LNX2: variants seen among roughly 807,000 people sequenced by gnomAD.
The protein encoded by LNX2 is ligand of numb-protein X 2.
A neutral mutation model predicts 66.2 loss-of-function variants in LNX2; 35 were observed. That is an observed-to-expected ratio of 0.53 (90% CI 0.40 to 0.70). The LOEUF (loss-of-function observed/expected upper bound fraction) is 0.70, where lower values mean the gene tolerates loss of function less well. LNX2 is among the 30% of genes least tolerant of loss of function. LNX2 has a pLI of 0.00. For synonymous variants in LNX2, 337 were observed against 315.6 expected, an observed-to-expected ratio of 1.07 and a Z score of -0.72; for missense variants, 791 against 850.8, an observed-to-expected ratio of 0.93 and a Z score of 0.87.
At chr13:27,549,485 T>C (rs1035473625) in intron 9 of LNX2, among the ~76,000 whole-genome samples, 1 of 152,192 alleles carries the variant, frequency 6.6e-6, no homozygotes, top group Non-Finnish European at 1.5e-5. Flanking sequence ...TGGTAGAGGC[T>C]GGCAGAGGGG....
At chr13:27,549,086 C>CA (rs1361913783) in intron 9 of LNX2, among the ~76,000 whole-genome samples, 2 of 152,164 alleles carry the variant, frequency 1.3e-5, no homozygotes, top group African/African-American at 4.8e-5. Context: ...TTATAATTAA[C>CA]AGAGGCCCAG....
intron 1 of LNX2, among the ~76,000 whole-genome samples, chr13:27,597,055 G>C (rs1011348086): frequency 2.6e-5 from 4 of 152,118 alleles, no homozygotes; most frequent in Non-Finnish European, 5.9e-5. Flanking sequence ...TTTATCATTA[G>C]ATTACTACTA....
intron 1 of LNX2, among the ~76,000 whole-genome samples, chr13:27,582,754 TA>T (rs901383148): frequency 1.5e-4 from 23 of 151,958 alleles, no homozygotes; most frequent in Admixed American, 6.6e-5. Context: ...GATGGGGGGC[TA>T]GGGGAGGGAT....
In LNX2 at chr13:27,556,327, C is replaced by T. The variant is rs755464649; in HGVS notation, c.1455G>A (p.Gly485=). 15 of 1,613,978 alleles carry T rather than the reference C, an allele frequency of 9.3e-6. No homozygotes were observed. The highest frequency in any genetic ancestry group is 1.2e-5 in the Non-Finnish European group (14 of 1,179,964). Reference sequence around the variant, plus strand: ...GCTCACCACTCTTACTTCCCCTGCCCCCAGCAACGGTCATGCCAAGGGATT... The same window carrying T: ...GCTCACCACTCTTACTTCCCCTGCCTCCAGCAACGGTCATGCCAAGGGATT... ...PHESLGMTVA[G]GRGSKSGELP... is the part of the protein sequence containing the mutation. The change falls in exon 7 of 10, where the codon GGG becomes GGA. Residue 485 remains glycine (G), a synonymous_variant. Coordinates refer to ENST00000316334, the MANE Select transcript of LNX2 (RefSeq NM_153371.4).
At chr13:27,572,765 TA>T (rs1398978374) in intron 2 of LNX2, among the ~76,000 whole-genome samples, 1 of 152,198 alleles carries the variant, frequency 6.6e-6, no homozygotes, top group Non-Finnish European at 1.5e-5. Context: ...TTATTGTCAG[TA>T]ATATTAGTAT....
At chr13:27,565,838 A>T (rs1305672653) in intron 4 of LNX2, among the ~76,000 whole-genome samples, 1 of 152,190 alleles carries the variant, frequency 6.6e-6, no homozygotes, top group African/African-American at 2.4e-5. Context: ...CGGGAGTGGA[A>T]ATCAAACCCA....
intron 1 of LNX2, among the ~76,000 whole-genome samples, chr13:27,608,935 G>A (rs1955746423): frequency 2.0e-5 from 3 of 151,752 alleles, no homozygotes; most frequent in Admixed American, 1.3e-4. Flanking sequence ...CTCCAGAGTA[G>A]CTGGGACTAT....
chr13:27,553,518 C>T, intron 7 of LNX2, 79 bp from the exon 8 acceptor site: 1 of 1,068,316 alleles, frequency 9.4e-7, no homozygotes, highest in Non-Finnish European at 1.4e-6. Flanking sequence ...ATAAACTAAG[C>T]AACAAAAGTT....
chr13:27,569,097 G>A lies in LNX2; in HGVS notation c.587C>T (p.Ser196Phe), dbSNP rs61753155. Residue 196 changes from serine to phenylalanine, a missense_variant, in exon 3 of 10, where the codon TCT becomes TTT. Physicochemically the swap from Ser to Phe is radical, Grantham distance 155. Transcript: ENST00000316334. ...AGGCTCCTCACTCCATGTGGAAAGA[G>A]ACGCTGATGTCAAGTGCCGCTCCAC... is the stretch of plus-strand genomic sequence containing the variant. ...VPVERHLTSA[S>F]LSTWSEEPGL... 2.6e-4 allele frequency: 414 copies of A among 1,613,510 alleles called. 1 individual carries two copies. In the Middle Eastern group the frequency reaches 3.3e-3, roughly 13 times the overall value.
chr13:27,553,138 A>G, intron 8 of LNX2, 70 bp downstream of exon 8: 1 of 1,265,842 alleles, frequency 7.9e-7, no homozygotes, highest in South Asian at 1.3e-5. Flanking sequence ...TAAATTTATC[A>G]TGCTACACAC....
chr13:27,584,630 G>A (rs953543146), intron 1 of LNX2, among the ~76,000 whole-genome samples: 2 of 152,044 alleles, frequency 1.3e-5, no homozygotes, highest in African/African-American at 4.8e-5. Flanking sequence ...AGGCTGTAGT[G>A]AGGCAAGCTT....
At chr13:27,613,677 A>T (rs1955797169) in intron 1 of LNX2, among the ~76,000 whole-genome samples, 1 of 152,176 alleles carries the variant, frequency 6.6e-6, no homozygotes. Context: ...CTGAGGCAGG[A>T]GAATCACTTG....
At chr13:27,601,971 A>G (rs577980156) in intron 1 of LNX2, among the ~76,000 whole-genome samples, 46 of 152,340 alleles carry the variant, frequency 3.0e-4, no homozygotes, top group African/African-American at 1.0e-3. Flanking sequence ...GCTTTGTCAC[A>G]TATCTCCTCA....
At chr13:27,578,396 G>A (rs1593250071) in intron 2 of LNX2, among the ~76,000 whole-genome samples, 1 of 152,130 alleles carries the variant, frequency 6.6e-6, no homozygotes, top group Non-Finnish European at 1.5e-5. Flanking sequence ...TGTATACCGA[G>A]AAGCCGCAAA....
At chr13:27,564,058 A>G (rs762032887) in intron 4 of LNX2, among the ~76,000 whole-genome samples, 4 of 152,182 alleles carry the variant, frequency 2.6e-5, no homozygotes, top group African/African-American at 4.8e-5. Context: ...ACCATTTCCA[A>G]CTATTTAGCT....
intron 1 of LNX2, among the ~76,000 whole-genome samples, chr13:27,618,274 G>C (rs764908811): frequency 1.3e-5 from 2 of 152,126 alleles, no homozygotes; most frequent in Non-Finnish European, 2.9e-5. Flanking sequence ...CATTTACTAA[G>C]TCCTTACTAT....
At chr13:27,602,724 A>C (rs1955672456) in intron 1 of LNX2, among the ~76,000 whole-genome samples, 1 of 152,140 alleles carries the variant, frequency 6.6e-6, no homozygotes, top group South Asian at 2.1e-4. Flanking sequence ...GGGAAGGTAG[A>C]TGCTTAGTTT....
intron 1 of LNX2, among the ~76,000 whole-genome samples, chr13:27,603,956 T>TAA (rs35389487): frequency 1.5e-4 from 20 of 133,520 alleles, no homozygotes; most frequent in South Asian, 4.9e-4. Context: ...TTCCTTCCCT[T>TAA]AAAAAAAAAA....
At chr13:27,557,411 GTA>G (rs1406199383) in intron 6 of LNX2, among the ~76,000 whole-genome samples, 4 of 151,880 alleles carry the variant, frequency 2.6e-5, no homozygotes, top group African/African-American at 7.2e-5. Context: ...ATAGTATTTT[GTA>G]TATGTTTATA....
Sources: allele counts gnomAD v4.1 joint callset (sites outside exome capture counted in the v4.1 genomes callset), GRCh38; gene constraint gnomAD v4.1.1; transcripts MANE v1.5; gene names NCBI Gene and HGNC (gene_info 2026-07-23, HGNC 2026-07-21).